Variants in TGM5 observed in about 807,000 individuals in gnomAD.
The protein encoded by TGM5 is protein-glutamine gamma-glutamyltransferase 5.
TGM5 carries 69 observed loss-of-function variants against 77.2 expected under a neutral mutation model. The observed-to-expected ratio is 0.89, with a 90% CI of 0.74 to 1.09. TGM5 has a LOEUF of 1.09. Among genes scored for constraint, TGM5 ranks in the 50% least tolerant of loss-of-function variants. The probability of loss-of-function intolerance (pLI) is 0.00; values close to 1 mark genes in which losing one functional copy is unlikely to be tolerated. For synonymous variants in TGM5, 346 were observed against 351.8 expected, an observed-to-expected ratio of 0.98 and a Z score of 0.18; for missense variants, 842 against 896.5, an observed-to-expected ratio of 0.94 and a Z score of 0.78.
chr15:43,235,933 A>C, intron 9 of TGM5, 96 bp from the exon 10 acceptor site: 1 of 1,543,436 alleles, frequency 6.5e-7, no homozygotes, highest in Non-Finnish European at 8.8e-7. Flanking sequence ...TCCACCAACA[A>C]CTTCAGGCCT....
chr15:43,266,718 C>T, intron 1 of TGM5, 122 bp downstream of exon 1: 1 of 1,332,758 alleles, frequency 7.5e-7, no homozygotes, highest in Middle Eastern at 1.8e-4. Context: ...CTTGCTTTTC[C>T]TGCCTCAGTT....
intron 4 of TGM5, 151 bp downstream of exon 4, chr15:43,256,417 C>T (rs2042742365): frequency 1.2e-5 from 9 of 748,488 alleles, no homozygotes; most frequent in Non-Finnish European, 1.7e-5. Context: ...CCTATGGCTG[C>T]TCCTCGGGCA....
rs1378358179 is a variant in TGM5 at position 43,260,272 on chromosome 15, C to T, written c.216G>A (p.Gly72=). 1.2e-6 allele frequency: 2 copies of T among 1,614,004 alleles called. No individual in the cohort carries two copies. The highest frequency in any genetic ancestry group is 1.7e-5 in the Admixed American group (1 of 60,022). ...GTGCCAGGCTGAACACAGCCCGAGT[C>T]CCCAAGGCCAGGTCTGGCAGCGGTC... ...ETGPLPDLAL[G]TRAVFSLARH... The change falls in exon 3 of 13, where the codon GGG becomes GGA. Residue 72 remains glycine, a synonymous_variant. Transcript: ENST00000220420.
intron 6 of TGM5, among the ~76,000 whole-genome samples, chr15:43,247,405 G>A (rs918132143): frequency 2.0e-5 from 3 of 151,790 alleles, no homozygotes; most frequent in African/African-American, 7.3e-5. Context: ...ACTGAGTGAC[G>A]AATCATCCAT....
chr15:43,259,324 C>A (rs1350722712), intron 3 of TGM5, among the ~76,000 whole-genome samples: 14 of 149,524 alleles, frequency 9.4e-5, no homozygotes, highest in South Asian at 2.1e-4. Flanking sequence ...AAAAAAAAAA[C>A]CGGAAACAGC....
At chr15:43,258,984 C>T (rs1488466311) in intron 3 of TGM5, among the ~76,000 whole-genome samples, 3 of 152,078 alleles carry the variant, frequency 2.0e-5, no homozygotes, top group Non-Finnish European at 2.9e-5. Context: ...GACAGGGAAG[C>T]GGGTAGTGGT....
intron 6 of TGM5, among the ~76,000 whole-genome samples, chr15:43,246,162 G>A (rs117776786): frequency 0.02 from 3,074 of 152,260 alleles, 47 homozygotes; most frequent in Non-Finnish European, 0.033. Flanking sequence ...AAGCCCTCGG[G>A]CAAGTCTAAA....
chr15:43,261,094 T>TG (rs2042786950), intron 1 of TGM5, among the ~76,000 whole-genome samples: 6 of 131,004 alleles, frequency 4.6e-5, no homozygotes, highest in Admixed American at 1.5e-4. Flanking sequence ...TTTTTTTTTT[T>TG]TTTTTTTTTT....
At position 43,234,851 on chromosome 15, in the gene TGM5, G is replaced by A. The variant is rs1483789860; in HGVS notation, c.1793C>T (p.Ala598Val). Residue 598 changes from alanine (A) to valine (V), a missense_variant, in exon 11 of 13, where the codon GCC (alanine) becomes GTC (valine). Ala to Val is a moderately conservative substitution (Grantham distance 64). Coordinates refer to ENST00000220420, the MANE Select transcript of TGM5 (RefSeq NM_201631.4). ...LSTDKLIRIS[A>V]LGEEKSSPEK... is the part of the protein sequence containing the mutation. The stretch of plus-strand genomic sequence containing the variant: ...AGGACTGCTTTTCTCTTCACCCAGG[G>A]CACTGATGCGGATCAGCTTGTCTGT... 1.2e-6 allele frequency: 2 copies of A among 1,614,194 alleles called. No individual in the cohort carries two copies. Among genetic ancestry groups the A allele is most frequent in the Admixed American group, 3.3e-5 (2 of 60,032 alleles).
At chr15:43,266,775 C>T (rs2042827274) in intron 1 of TGM5, 65 bp downstream of exon 1, 1 of 1,603,514 alleles carries the variant, frequency 6.2e-7, no homozygotes, top group African/African-American at 1.3e-5. Flanking sequence ...CACCCCTTGA[C>T]TTCCTACAGT....
chr15:43,253,686 T>G, intron 4 of TGM5, 52 bp from the exon 5 acceptor site: 1 of 1,603,876 alleles, frequency 6.2e-7, no homozygotes, highest in Non-Finnish European at 8.5e-7. Flanking sequence ...CACGTGGGAG[T>G]ATGTAAAAAG....
intron 3 of TGM5, among the ~76,000 whole-genome samples, chr15:43,258,679 G>A (rs145206156): frequency 6.6e-6 from 1 of 152,320 alleles, no homozygotes; most frequent in Non-Finnish European, 1.5e-5. Flanking sequence ...GCAGTGGCCT[G>A]AGCTACACAG....
intron 6 of TGM5, chr15:43,241,357 A>T (rs1368918653): frequency 5.8e-6 from 2 of 344,854 alleles, no homozygotes; most frequent in East Asian, 1.4e-4. Flanking sequence ...TCCATCTTCA[A>T]GCCAAAGCTG....
Position 43,232,880 on chromosome 15 carries a change from C to T in TGM5, c.*311G>A, listed in dbSNP as rs1490898878. The stretch of plus-strand genomic sequence containing the variant: ...GTCCAGGGAAATATCCATCCATAGA[C>T]ATTTCCTACCTGTTCTCTGGATGCT... On this transcript the variant is annotated 3_prime_UTR_variant, in exon 13 of 13. Transcript: ENST00000220420. 2.7e-6 allele frequency: 1 copy of T among 375,760 alleles called. No individual in the cohort carries two copies. The highest frequency in any genetic ancestry group is 4.0e-5 in the Admixed American group (1 of 25,120). 23.3% of individuals were successfully genotyped at this position (375,760 alleles called of 1,614,324 possible). A position where few individuals can be genotyped will look rare whatever the true frequency, so the allele number is the denominator to read the frequency against.
chr15:43,260,688 G>A (rs971598844), intron 1 of TGM5, 109 bp from the exon 2 acceptor site: 6 of 1,188,534 alleles, frequency 5.0e-6, no homozygotes, highest in Non-Finnish European at 7.5e-6. Flanking sequence ...TTGAGCCTCA[G>A]TTTCCATATC....
At chr15:43,253,720 T>C in intron 4 of TGM5, 86 bp from the exon 5 acceptor site, 1 of 1,556,392 alleles carries the variant, frequency 6.4e-7, no homozygotes, top group Non-Finnish European at 8.8e-7. Flanking sequence ...CCAACCCTAG[T>C]GGAATATAAA....
Position 43,242,914 on chromosome 15 carries a change from G to A in TGM5, c.863-1924C>T, listed in dbSNP as rs1025958845. 2.0e-5 allele frequency among the ~76,000 whole-genome samples: 3 copies of A among 152,222 alleles called. No individual in the cohort carries two copies. The East Asian group carries it at 5.8e-4, about 29-fold the overall frequency. On this transcript the variant is annotated intron_variant, in intron 6 of 12. Coordinates refer to ENST00000220420, the MANE Select transcript of TGM5 (RefSeq NM_201631.4). ...ATTTATGCTAAAAGTACAGTCAGGA[G>A]GGTGGATGACACTCACAGTGACAAG...
chr15:43,239,195 A>G lies in TGM5; in HGVS notation c.1073T>C (p.Val358Ala). The change falls in exon 8 of 13, where the codon GTG becomes GCG. Residue 358 changes from valine to alanine, a missense_variant. By Grantham distance (64) the Val-to-Ala change is moderately conservative (BLOSUM62 0). This residue lies in a region of TGM5 where 815 missense variants were observed against 844.6 expected (regional missense o/e 0.96). Transcript: ENST00000220420. ...DLPPAYGGWQ[V>A]LDATPQEMSN... ...CATCTCCTGAGGTGTGGCGTCCAGCACCTGCCAGCCTCCATATGCAGGGGG... is the reference window on the plus strand; with the variant it reads ...CATCTCCTGAGGTGTGGCGTCCAGCGCCTGCCAGCCTCCATATGCAGGGGG... 6.2e-7 allele frequency: 1 copy of G among 1,614,060 alleles called. No homozygotes were observed. Among genetic ancestry groups the G allele is most frequent in the Non-Finnish European group, 8.5e-7 (1 of 1,180,004 alleles).
At position 43,241,071 on chromosome 15, in the gene TGM5, G is replaced by T. The variant is rs2042632825; in HGVS notation, c.863-81C>A. ...TTCCTGGACTTTGGGGCCTGGACCT[G>T]GGGAAATCTTCCATTTGCCATCTGC... On this transcript the variant is annotated intron_variant, in intron 6 of 12. Transcript: ENST00000220420. 6 of 1,578,882 alleles carry T rather than the reference G, an allele frequency of 3.8e-6. No individual in the cohort carries two copies. In the Middle Eastern group the frequency reaches 8.9e-4, roughly 235 times the overall value.
Sources: gnomAD v4.1 joint callset for allele counts (sites outside exome capture counted in the v4.1 genomes callset) on GRCh38, gnomAD v4.1.1 for gene constraint, gnomAD v4.1.1 regional missense constraint, MANE v1.5 for transcripts, NCBI Gene and HGNC (gene_info 2026-07-23, HGNC 2026-07-21) for gene names.